TNKS: variants seen among roughly 807,000 people sequenced by gnomAD.
TNKS encodes poly [ADP-ribose] polymerase tankyrase-1.
A neutral mutation model predicts 135.8 loss-of-function variants in TNKS; 72 were observed. That is an observed-to-expected ratio of 0.53 (90% CI 0.44 to 0.64). The LOEUF (loss-of-function observed/expected upper bound fraction) is 0.64, where lower values mean the gene tolerates loss of function less well. Ranked by LOEUF, TNKS falls within the 30% of genes least tolerant of loss-of-function variation. The pLI is 0.00. For synonymous variants in TNKS, 849 were observed against 649.3 expected (o/e 1.31, Z -4.68); for missense variants, 1,769 against 1,674.0 (o/e 1.06, Z -0.99).
At chr8:9,646,955 A>T (rs1372686642) in intron 3 of TNKS, among the ~76,000 whole-genome samples, 1 of 152,198 alleles carries the variant, frequency 6.6e-6, no homozygotes, top group Non-Finnish European at 1.5e-5. Flanking sequence ...GGGAAATTTT[A>T]TATCCCTTAG....
intron 3 of TNKS, among the ~76,000 whole-genome samples, chr8:9,652,144 T>C (rs1801170004): frequency 6.6e-6 from 1 of 152,228 alleles, no homozygotes; most frequent in Admixed American, 6.5e-5. Flanking sequence ...TAGAAGTCAA[T>C]AGGTCACCAG....
chr8:9,773,530 T>TA (rs1210105593), intron 26 of TNKS, among the ~76,000 whole-genome samples: 1 of 152,176 alleles, frequency 6.6e-6, no homozygotes, highest in African/African-American at 2.4e-5. Context: ...AAATATAAGT[T>TA]ATCTGTAGTG....
At position 9,649,878 on chromosome 8, in the gene TNKS, C is replaced by CTTTT. The variant is rs71201959; in HGVS notation, c.995-30047_995-30044dup. On this transcript the variant is annotated intron_variant, in intron 3 of 26. Coordinates refer to ENST00000310430, the MANE Select transcript of TNKS (RefSeq NM_003747.3). ...CACAGTTCTTTCTTTCTTTTCTTTT[C>CTTTT]TTTTTTTTTTTTTTTTTTTTTTTTT... Among the ~76,000 whole-genome samples the CTTTT allele has an allele frequency of 4.7e-4, 39 of 83,366 alleles. 1 individual carries two copies. Among genetic ancestry groups the CTTTT allele is most frequent in the African/African-American group, 1.9e-3 (35 of 18,782 alleles). 54.7% of individuals were successfully genotyped at this position (83,366 alleles called of 152,430 possible).
At chr8:9,593,696 T>A (rs1473341711) in intron 2 of TNKS, among the ~76,000 whole-genome samples, 1 of 152,148 alleles carries the variant, frequency 6.6e-6, no homozygotes, top group Non-Finnish European at 1.5e-5. Context: ...ATGTTTCATT[T>A]CCTTTTACAA....
At chr8:9,708,220 T>C in intron 8 of TNKS, 151 bp from the exon 9 acceptor site, 1 of 628,578 alleles carries the variant, frequency 1.6e-6, no homozygotes, top group South Asian at 2.9e-5. Context: ...TCCTCATCTT[T>C]TGCATTTTTA....
At chr8:9,599,679 A>AT (rs2128758319) in intron 2 of TNKS, among the ~76,000 whole-genome samples, 1 of 152,296 alleles carries the variant, frequency 6.6e-6, no homozygotes, top group South Asian at 2.1e-4. Context: ...TGTGTCCTGG[A>AT]TTAACTTTGT....
chr8:9,675,822 C>G (rs930237988), intron 3 of TNKS, among the ~76,000 whole-genome samples: 3 of 152,040 alleles, frequency 2.0e-5, no homozygotes, highest in African/African-American at 7.2e-5. Context: ...AAACCTAAGA[C>G]AATCTGTTTA....
At chr8:9,601,583 A>G (rs1799017698) in intron 2 of TNKS, among the ~76,000 whole-genome samples, 1 of 152,210 alleles carries the variant, frequency 6.6e-6, no homozygotes, top group African/African-American at 2.4e-5. Flanking sequence ...AGACAGAGAA[A>G]GACAGCAACA....
chr8:9,728,496 T>C (rs543435280), intron 13 of TNKS, among the ~76,000 whole-genome samples: 1 of 152,304 alleles, frequency 6.6e-6, no homozygotes, highest in Admixed American at 6.5e-5. Flanking sequence ...TCCCTACCTA[T>C]TCCTATTTTG....
intron 3 of TNKS, among the ~76,000 whole-genome samples, chr8:9,617,172 C>A (rs1242088224): frequency 6.6e-6 from 1 of 152,130 alleles, no homozygotes. Flanking sequence ...GAAACTATAT[C>A]CTAATTTGTA....
intron 3 of TNKS, among the ~76,000 whole-genome samples, chr8:9,628,974 C>A (rs923736966): frequency 4.6e-5 from 7 of 152,212 alleles, no homozygotes; most frequent in African/African-American, 1.7e-4. Flanking sequence ...CTCTTGTTGT[C>A]TTACCTTGTG....
At chr8:9,762,695 G>T (rs1364053424) in intron 21 of TNKS, among the ~76,000 whole-genome samples, 1 of 152,116 alleles carries the variant, frequency 6.6e-6, no homozygotes, top group Non-Finnish European at 1.5e-5. Context: ...GAGGTCAGGA[G>T]ATTGAGACTA....
chr8:9,752,428 G>A, intron 19 of TNKS, 116 bp from the exon 20 acceptor site: 1 of 684,990 alleles, frequency 1.5e-6, no homozygotes. Context: ...ATTATTTTAT[G>A]CCATGGAAAA....
At chr8:9,579,826 TTTTGTGTTGTGAAGCCTG>T (rs1798102575) in intron 1 of TNKS, among the ~76,000 whole-genome samples, 1 of 152,154 alleles carries the variant, frequency 6.6e-6, no homozygotes, top group South Asian at 2.1e-4. Flanking sequence ...CTATATACAG[TTTTGTGTTGTGAAGCCTG>T]AGGGGAAAGT....
At chr8:9,697,490 A>G (rs1272037558) in intron 5 of TNKS, among the ~76,000 whole-genome samples, 1 of 152,184 alleles carries the variant, frequency 6.6e-6, no homozygotes, top group Non-Finnish European at 1.5e-5. Flanking sequence ...AAAAGAAACT[A>G]CCAGCAGAGT....
intron 3 of TNKS, among the ~76,000 whole-genome samples, chr8:9,668,196 G>A (rs180851763): frequency 2.6e-5 from 4 of 152,226 alleles, no homozygotes; most frequent in Admixed American, 1.3e-4. Context: ...TAAAGCTTTC[G>A]GAGATTTACC....
intron 2 of TNKS, among the ~76,000 whole-genome samples, chr8:9,587,931 C>A (rs535889898): frequency 6.6e-6 from 1 of 152,286 alleles, no homozygotes; most frequent in African/African-American, 2.4e-5. Context: ...ACAATTAAAA[C>A]TGCTTTCTTG....
In TNKS at chr8:9,748,188, C is replaced by T. The variant is rs781539503; in HGVS notation, c.2808C>T (p.Gly936=). Residue 936 remains glycine, a synonymous_variant, in exon 18 of 27, where the codon GGC becomes GGT. Transcript: ENST00000310430. ...ACCCCACCATGAAGAACCAGGAAGG[C>T]CAGACGCCTCTGGATCTGGCAACAG... ...GADPTMKNQE[G]QTPLDLATAD... 23 of 1,577,932 alleles carry T rather than the reference C, an allele frequency of 1.5e-5. No individual in the cohort carries two copies. The highest frequency in any genetic ancestry group is 1.9e-5 in the Non-Finnish European group (22 of 1,162,186).
intron 3 of TNKS, among the ~76,000 whole-genome samples, chr8:9,629,667 T>G (rs1037927070): frequency 6.6e-6 from 1 of 152,218 alleles, no homozygotes; most frequent in Non-Finnish European, 1.5e-5. Context: ...CTACTTTCTC[T>G]TTTTGGTTTT....
Sources: gnomAD v4.1 joint callset for allele counts (sites outside exome capture counted in the v4.1 genomes callset) on GRCh38, gnomAD v4.1.1 for gene constraint, MANE v1.5 for transcripts, NCBI Gene and HGNC (gene_info 2026-07-23, HGNC 2026-07-21) for gene names.